TMPRSS15: variants seen among roughly 807,000 people sequenced by gnomAD.
TMPRSS15 encodes transmembrane serine protease 15.
Under a neutral mutation model 125.3 loss-of-function variants are expected in TMPRSS15, and 128 were observed. That is an observed-to-expected ratio of 1.02 (90% CI 0.89 to 1.18). TMPRSS15 has a LOEUF of 1.18. TMPRSS15 is among the 50% of genes most tolerant of loss of function. The pLI is 0.00. For missense variants in TMPRSS15, 1,283 were observed against 1,212.7 expected (o/e 1.06, Z -0.86); for synonymous variants, 446 against 423.2 (o/e 1.05, Z -0.66).
chr21:18,479,559 C>T (rs548076130), intron 1 of TMPRSS15, among the ~76,000 whole-genome samples: 17 of 151,908 alleles, frequency 1.1e-4, no homozygotes, highest in Non-Finnish European at 2.5e-4. Flanking sequence ...AACAAACAAC[C>T]CCATCAGAAA....
chr21:18,337,086 G>T (rs1397579176), intron 13 of TMPRSS15, among the ~76,000 whole-genome samples: 1 of 152,182 alleles, frequency 6.6e-6, no homozygotes, highest in Non-Finnish European at 1.5e-5. Flanking sequence ...GAGAGACAGG[G>T]TTTCGCCATG....
At chr21:18,419,113 A>G (rs1396979794) in intron 1 of TMPRSS15, among the ~76,000 whole-genome samples, 2 of 152,182 alleles carry the variant, frequency 1.3e-5, no homozygotes, top group Admixed American at 6.5e-5. Flanking sequence ...AGCAACTCCA[A>G]AAACAGTCTT....
intron 1 of TMPRSS15, among the ~76,000 whole-genome samples, chr21:18,399,709 T>C (rs2123131439): frequency 6.6e-6 from 1 of 152,244 alleles, no homozygotes; most frequent in East Asian, 1.9e-4. Context: ...AAACGAAATA[T>C]TAACATCCAA....
chr21:18,418,282 A>T (rs1172586355), intron 1 of TMPRSS15, among the ~76,000 whole-genome samples: 1 of 152,224 alleles, frequency 6.6e-6, no homozygotes, highest in Non-Finnish European at 1.5e-5. Context: ...GAGAGAGTTA[A>T]GAACCTTATT....
chr21:18,320,522 T>C (rs1397798508), intron 16 of TMPRSS15, among the ~76,000 whole-genome samples: 2 of 152,198 alleles, frequency 1.3e-5, no homozygotes, highest in African/African-American at 2.4e-5. Flanking sequence ...CAGACAAATA[T>C]CTGAATTAAA....
At position 18,366,060 on chromosome 21, in the gene TMPRSS15, C is replaced by T. The variant is rs573862925; in HGVS notation, c.665-812G>A. Among the ~76,000 whole-genome samples the T allele has an allele frequency of 3.5e-4, 54 of 152,194 alleles. 1 individual carries two copies. The highest frequency in any genetic ancestry group is 1.3e-3 in the African/African-American group (53 of 41,540). The stretch of plus-strand genomic sequence containing the variant: ...CAAAAGCATTGTCTTTCTAAACACC[C>T]TTCCCTAAGCTGCACTTTAAGTGTA... On this transcript the variant is annotated intron_variant, in intron 6 of 24. Coordinates refer to ENST00000284885, the MANE Select transcript of TMPRSS15 (RefSeq NM_002772.3).
intron 18 of TMPRSS15, among the ~76,000 whole-genome samples, chr21:18,301,290 C>T (rs996551410): frequency 6.6e-6 from 1 of 152,068 alleles, no homozygotes; most frequent in Non-Finnish European, 1.5e-5. Context: ...CTTTTTCTGA[C>T]TAAACACAAT....
At chr21:18,361,468 G>A (rs1383874279) in intron 7 of TMPRSS15, among the ~76,000 whole-genome samples, 2 of 152,110 alleles carry the variant, frequency 1.3e-5, no homozygotes, top group African/African-American at 4.8e-5. Flanking sequence ...CCAAGCAGGA[G>A]CCCTGAGAAG....
At chr21:18,480,716 C>G (rs935482683) in intron 1 of TMPRSS15, among the ~76,000 whole-genome samples, 1 of 151,576 alleles carries the variant, frequency 6.6e-6, no homozygotes, top group African/African-American at 2.4e-5. Flanking sequence ...GGGTAGTTAT[C>G]AAATCTAAAA....
intron 1 of TMPRSS15, among the ~76,000 whole-genome samples, chr21:18,481,674 C>T (rs1206902474): frequency 6.6e-6 from 1 of 151,626 alleles, no homozygotes; most frequent in East Asian, 1.9e-4. Flanking sequence ...ATGTGCAGTT[C>T]TATTAGTAAA....
In TMPRSS15 at chr21:18,403,513, G is replaced by A. The variant is rs770217605; in HGVS notation, c.110C>T (p.Ala37Val). The A allele has an allele frequency of 6.2e-7, 1 of 1,614,134 alleles. No homozygotes were observed. The highest frequency in any genetic ancestry group is 8.5e-7 in the Non-Finnish European group (1 of 1,180,014). ...TTCCTTGATTGTCAGGCAGGATACT[G>A]CAATTAATCCAGCACAGAGCACTAC... ...ILVVLCAGLI[A>V]VSCLTIKESQ... Residue 37 changes from alanine (A) to valine (V), a missense_variant, in exon 1 of 25, where the codon GCA becomes GTA. Transcript: ENST00000284885.
intron 24 of TMPRSS15, among the ~76,000 whole-genome samples, chr21:18,272,517 A>C (rs1232738248): frequency 6.6e-6 from 1 of 152,106 alleles, no homozygotes; most frequent in African/African-American, 2.4e-5. Flanking sequence ...TGAGATCAGG[A>C]GTTCGAGATC....
chr21:18,332,318 G>T (rs1212207731), intron 13 of TMPRSS15, 145 bp from the exon 14 acceptor site: 2 of 720,898 alleles, frequency 2.8e-6, no homozygotes, highest in Non-Finnish European at 2.5e-6. Context: ...GGTAAATGCT[G>T]CAGTTTAAGT....
At chr21:18,375,468 T>G (rs1456507835) in intron 5 of TMPRSS15, among the ~76,000 whole-genome samples, 1 of 152,218 alleles carries the variant, frequency 6.6e-6, no homozygotes, top group Non-Finnish European at 1.5e-5. Flanking sequence ...TACCAAATTG[T>G]GTTCCCAACA....
intron 1 of TMPRSS15, among the ~76,000 whole-genome samples, chr21:18,423,528 C>T (rs2076196647): frequency 6.6e-6 from 1 of 151,548 alleles, no homozygotes; most frequent in Admixed American, 6.6e-5. Flanking sequence ...CCTGCCTCAG[C>T]CTCCTGAGTA....
chr21:18,441,651 C>T (rs1048058827), intron 1 of TMPRSS15, among the ~76,000 whole-genome samples: 3 of 143,356 alleles, frequency 2.1e-5, no homozygotes, highest in African/African-American at 5.2e-5. Context: ...AGATTGTCAA[C>T]TTTAGGACAC....
chr21:18,424,244 G>A (rs1036271958), intron 1 of TMPRSS15, among the ~76,000 whole-genome samples: 1 of 152,170 alleles, frequency 6.6e-6, no homozygotes, highest in African/African-American at 2.4e-5. Flanking sequence ...TAACTTGAGA[G>A]AAGATTCTAT....
intron 1 of TMPRSS15, among the ~76,000 whole-genome samples, chr21:18,451,426 G>T (rs766381340): frequency 6.6e-6 from 1 of 151,744 alleles, no homozygotes; most frequent in South Asian, 2.1e-4. Context: ...AACCAGTCAC[G>T]ATTTTGTGCA....
At chr21:18,459,192 T>C (rs2123271268) in intron 1 of TMPRSS15, among the ~76,000 whole-genome samples, 1 of 152,318 alleles carries the variant, frequency 6.6e-6, no homozygotes, top group East Asian at 1.9e-4. Context: ...GATGCATTTA[T>C]AAAAATCAAC....
Sources: allele counts gnomAD v4.1 joint callset (sites outside exome capture counted in the v4.1 genomes callset), GRCh38; gene constraint gnomAD v4.1.1; transcripts MANE v1.5; gene names NCBI Gene and HGNC (gene_info 2026-07-23, HGNC 2026-07-21).